CIPC: variants seen among roughly 807,000 people sequenced by gnomAD.
CIPC encodes CLOCK-interacting pacemaker.
In CIPC, 12 loss-of-function variants were observed where a neutral mutation model predicts 26.7. The observed-to-expected ratio is 0.45, with a 90% CI of 0.29 to 0.73. The LOEUF (loss-of-function observed/expected upper bound fraction) is 0.73, where lower values mean the gene tolerates loss of function less well. CIPC is among the 30% of genes least tolerant of loss of function. The probability of loss-of-function intolerance (pLI) is 0.12; values close to 1 mark genes in which losing one functional copy is unlikely to be tolerated. For synonymous variants in CIPC, 170 were observed against 189.8 expected, an observed-to-expected ratio of 0.90 and a Z score of 0.86; for missense variants, 417 against 486.5, an observed-to-expected ratio of 0.86 and a Z score of 1.34.
rs936473990 is a variant in CIPC at position 77,114,513 on chromosome 14, G to A, written c.*195G>A. The A allele has an allele frequency of 1.7e-5, 10 of 584,186 alleles. No homozygotes were observed. Among genetic ancestry groups the A allele is most frequent in the South Asian group, 9.4e-5 (4 of 42,708 alleles). The allele number at this position is 584,186 out of a possible 1,614,324, so 36.2% of individuals were successfully genotyped here. A position where few individuals can be genotyped will look rare whatever the true frequency, so the allele number is the denominator to read the frequency against. ...CTGGGCACAGGATACATATGTCCCCGTCCCACTGAGGACCTCAGTTTGGGA... is the reference window on the plus strand; with the variant it reads ...CTGGGCACAGGATACATATGTCCCCATCCCACTGAGGACCTCAGTTTGGGA... On this transcript the variant is annotated 3_prime_UTR_variant, in exon 4 of 4. Coordinates refer to ENST00000361786, the MANE Select transcript of CIPC (RefSeq NM_033426.3).
chr14:77,104,158 G>C (rs780205741), intron 1 of CIPC, among the ~76,000 whole-genome samples: 16 of 152,130 alleles, frequency 1.1e-4, no homozygotes, highest in Non-Finnish European at 1.9e-4. Context: ...CCAAGCCCGT[G>C]GTGGAAGGAT....
intron 3 of CIPC, among the ~76,000 whole-genome samples, chr14:77,112,624 A>C (rs1404079645): frequency 6.6e-6 from 1 of 152,136 alleles, no homozygotes; most frequent in Non-Finnish European, 1.5e-5. Flanking sequence ...GAATGGTTTT[A>C]TGATTGTTGG....
At chr14:77,112,518 T>C (rs1263063701) in intron 3 of CIPC, among the ~76,000 whole-genome samples, 2 of 152,130 alleles carry the variant, frequency 1.3e-5, no homozygotes, top group African/African-American at 2.4e-5. Context: ...GGTAACTGCC[T>C]CATGGGGTTT....
At chr14:77,105,214 G>A (rs745366504) in intron 1 of CIPC, among the ~76,000 whole-genome samples, 4 of 152,078 alleles carry the variant, frequency 2.6e-5, no homozygotes, top group Non-Finnish European at 5.9e-5. Context: ...AAATGTACAC[G>A]AGGAAAGCAA....
chr14:77,110,126 G>A, intron 3 of CIPC, 145 bp downstream of exon 3: 1 of 720,400 alleles, frequency 1.4e-6, no homozygotes, highest in East Asian at 2.7e-5. Flanking sequence ...TTTCTGTCCT[G>A]GGGAGCGGAT....
intron 2 of CIPC, among the ~76,000 whole-genome samples, chr14:77,106,719 G>A (rs1594820464): frequency 6.6e-6 from 1 of 152,156 alleles, no homozygotes; most frequent in African/African-American, 2.4e-5. Context: ...GCAGCTGTTA[G>A]GAAAACTAGA....
At chr14:77,112,057 A>G (rs1047600036) in intron 3 of CIPC, among the ~76,000 whole-genome samples, 25 of 152,344 alleles carry the variant, frequency 1.6e-4, no homozygotes, top group African/African-American at 6.0e-4. Context: ...GAACTGGCCT[A>G]AAGTTCCTAA....
At chr14:77,103,591 C>T (rs1040388069) in intron 1 of CIPC, among the ~76,000 whole-genome samples, 12 of 152,176 alleles carry the variant, frequency 7.9e-5, no homozygotes. Context: ...TCCTTGGTGA[C>T]TCAAATGGCC....
At chr14:77,099,425 G>A (rs1412147888) in intron 1 of CIPC, among the ~76,000 whole-genome samples, 1 of 152,154 alleles carries the variant, frequency 6.6e-6, no homozygotes, top group Non-Finnish European at 1.5e-5. Flanking sequence ...AGGTAGACAG[G>A]GTTTTTCCAC....
intron 1 of CIPC, among the ~76,000 whole-genome samples, chr14:77,101,310 ACTC>A (rs1886479864): frequency 6.6e-6 from 1 of 151,840 alleles, no homozygotes; most frequent in African/African-American, 2.4e-5. Context: ...CAGTGCTGCT[ACTC>A]CTCCGAAAGA....
chr14:77,111,094 G>A (rs762151313), intron 3 of CIPC, among the ~76,000 whole-genome samples: 3 of 152,140 alleles, frequency 2.0e-5, no homozygotes, highest in Non-Finnish European at 2.9e-5. Flanking sequence ...AGATTGCTCC[G>A]GCCCCACCAG....
chr14:77,099,762 C>T (rs975210368), intron 1 of CIPC: 3 of 152,172 alleles, frequency 2.0e-5, no homozygotes, highest in Non-Finnish European at 4.4e-5. Flanking sequence ...CCTTTTTAAT[C>T]ATAAGGACAA....
At chr14:77,101,264 A>G (rs1369641924) in intron 1 of CIPC, among the ~76,000 whole-genome samples, 1 of 152,148 alleles carries the variant, frequency 6.6e-6, no homozygotes, top group Non-Finnish European at 1.5e-5. Context: ...ATGTGGTGCT[A>G]TGTGTGAGTG....
Position 77,113,709 on chromosome 14 carries a change from G to C in CIPC, c.591G>C (p.Leu197Phe), listed in dbSNP as rs756216521. ...GTACTGAGAGACTTGGGCCTAGCTT[G>C]TCTTCCAGTGAGCCAACCAAGGCTG... ...KICTERLGPS[L>F]SSSEPTKAGA... Residue 197 changes from leucine to phenylalanine, a missense_variant, in exon 4 of 4, where the codon TTG becomes TTC. Transcript: ENST00000361786. The C allele has an allele frequency of 1.9e-6, 3 of 1,612,616 alleles. No individual in the cohort carries two copies. The highest frequency in any genetic ancestry group is 3.3e-5 in the Admixed American group (2 of 59,902).
In CIPC at chr14:77,107,179, C is replaced by T. The variant is rs74371516; in HGVS notation, c.136+1335C>T. Among the ~76,000 whole-genome samples, 283 of 152,268 alleles carry T rather than the reference C, an allele frequency of 1.9e-3. 1 individual carries two copies. Among genetic ancestry groups the T allele is most frequent in the Middle Eastern group, 3.4e-3 (1 of 294 alleles). Reference sequence around the variant, plus strand: ...TTGTTTATGTTTCATTTCATGAATACGTGCTCATTGTAAAAGCTTGGACAG... The same window carrying T: ...TTGTTTATGTTTCATTTCATGAATATGTGCTCATTGTAAAAGCTTGGACAG... On this transcript the variant is annotated intron_variant, in intron 2 of 3. Coordinates refer to ENST00000361786, the MANE Select transcript of CIPC (RefSeq NM_033426.3).
chr14:77,098,783 C>T (rs923824138), intron 1 of CIPC: 1 of 152,450 alleles, frequency 6.6e-6, no homozygotes, highest in Non-Finnish European at 1.5e-5. Flanking sequence ...GGTTTGAGGT[C>T]GGGGGTGGTA....
At chr14:77,103,384 G>T (rs1886529673) in intron 1 of CIPC, among the ~76,000 whole-genome samples, 1 of 152,188 alleles carries the variant, frequency 6.6e-6, no homozygotes, top group Non-Finnish European at 1.5e-5. Flanking sequence ...AGATACAGTG[G>T]TATTTGGCAG....
Position 77,109,802 on chromosome 14 carries a change from T to C in CIPC, c.137-10T>C. On this transcript the variant is annotated splice_polypyrimidine_tract_variant and intron_variant, in intron 2 of 3. Coordinates refer to ENST00000361786, the MANE Select transcript of CIPC (RefSeq NM_033426.3). ...AGCCTGAGTGAGTTGACCATTCTTC[T>C]GCCCACCAGATGGGAGCTCGGAATG... 1.2e-6 allele frequency: 2 copies of C among 1,607,592 alleles called. No individual in the cohort carries two copies. The highest frequency in any genetic ancestry group is 1.7e-6 in the Non-Finnish European group (2 of 1,175,020).
At chr14:77,112,542 T>A (rs1043455412) in intron 3 of CIPC, among the ~76,000 whole-genome samples, 2 of 152,180 alleles carry the variant, frequency 1.3e-5, no homozygotes. Context: ...ATAGATTAAG[T>A]AACTCATGTA....
Sources: allele counts gnomAD v4.1 joint callset (sites outside exome capture counted in the v4.1 genomes callset), GRCh38; gene constraint gnomAD v4.1.1; transcripts MANE v1.5; gene names NCBI Gene and HGNC (gene_info 2026-07-23, HGNC 2026-07-21).